GALNS: variants seen among roughly 807,000 people sequenced by gnomAD.
GALNS encodes the protein N-acetylgalactosamine-6-sulfatase.
A neutral mutation model predicts 65.9 loss-of-function variants in GALNS; 65 were observed. The ratio of observed to expected loss-of-function variants is 0.99; its 90% confidence interval spans 0.81 to 1.21. The LOEUF (loss-of-function observed/expected upper bound fraction) is 1.21, where lower values mean the gene tolerates loss of function less well. Ranked by LOEUF, GALNS falls within the 50% of genes most tolerant of loss-of-function variation. The probability of loss-of-function intolerance (pLI) is 0.00; values close to 1 mark genes in which losing one functional copy is unlikely to be tolerated. For synonymous variants in GALNS, 346 were observed against 288.9 expected, an observed-to-expected ratio of 1.20 and a Z score of -2.00; for missense variants, 776 against 700.7, an observed-to-expected ratio of 1.11 and a Z score of -1.21.
rs897826613 is a variant in GALNS at position 88,814,353 on chromosome 16, G to A, written c.*86C>T. The A allele has an allele frequency of 5.2e-6, 8 of 1,525,242 alleles. No homozygotes were observed. The highest frequency in any genetic ancestry group is 7.1e-6 in the Non-Finnish European group (8 of 1,126,212). The allele number at this position is 1,525,242 out of a possible 1,614,324, so 94.5% of individuals were successfully genotyped here. ...TCTGTCTGGCTTGGGCAGGGTTGGG[G>A]GAGGACCGAGGCCAGAGCCATCCTT... On this transcript the variant is annotated 3_prime_UTR_variant, in exon 14 of 14. Transcript: ENST00000268695.
rs1911009144 is a variant in GALNS at position 88,827,091 on chromosome 16, T to G, written c.1003-253A>C. On this transcript the variant is annotated intron_variant, in intron 9 of 13. Transcript: ENST00000268695. ...TGGCACCCTTCTCTGCCTCTGTGGA[T>G]CAGATGAAAGGAGAATCACAGCCCT... 4 of 585,182 alleles carry G rather than the reference T, an allele frequency of 6.8e-6. No individual in the cohort carries two copies. The South Asian group carries it at 7.9e-5, about 12-fold the overall frequency. The allele number at this position is 585,182 out of a possible 1,614,324, so 36.2% of individuals were successfully genotyped here.
Position 88,826,864 on chromosome 16 carries a change from C to G in GALNS, c.1003-26G>C, listed in dbSNP as rs757447780. On this transcript the variant is annotated intron_variant, in intron 9 of 13. Coordinates refer to ENST00000268695, the MANE Select transcript of GALNS (RefSeq NM_000512.5). ...CTGAAACACATGGCAGCAACACGGT[C>G]AGGGCACTCTGCACCGACCCGATGG... 2.5e-5 allele frequency: 39 copies of G among 1,559,318 alleles called. No individual in the cohort carries two copies. The South Asian group carries it at 4.5e-4, about 18-fold the overall frequency.
chr16:88,831,996 ACCTGGCCTGCAGTGACGTGC>A lies in GALNS; in HGVS notation c.984_1002+1del. The A allele has an allele frequency of 6.2e-7, 1 of 1,612,494 alleles. No homozygotes were observed. The highest frequency in any genetic ancestry group is 8.5e-7 in the Non-Finnish European group (1 of 1,179,208). ...CCGGCAGACCGGTGGACGCTGACTC[ACCTGGCCTGCAGTGACGTGC>A]CCTGGCCACCATGCGAGGGCAGGCT... On this transcript the variant is annotated splice_donor_variant and coding_sequence_variant, in exon 9 of 14. Transcript: ENST00000268695. LOFTEE classifies it high-confidence loss of function.
In GALNS at chr16:88,856,430, G is replaced by A. The variant is rs568965125; in HGVS notation, c.120+328C>T. 146 of 700,892 alleles carry A rather than the reference G, an allele frequency of 2.1e-4. 1 individual carries two copies. In the African/African-American group the frequency reaches 2.3e-3, roughly 11 times the overall value. 43.4% of individuals were successfully genotyped at this position (700,892 alleles called of 1,614,324 possible). ...AGGTCAGACGGGGGAGGCAGGGCCCGGTAGCACGCCGGCCACCCACCTGCC... is the reference window on the plus strand; with the variant it reads ...AGGTCAGACGGGGGAGGCAGGGCCCAGTAGCACGCCGGCCACCCACCTGCC... On this transcript the variant is annotated intron_variant, in intron 1 of 13. Transcript: ENST00000268695.
intron 9 of GALNS, among the ~76,000 whole-genome samples, chr16:88,829,260 C>T (rs1386218385): frequency 1.3e-5 from 2 of 152,154 alleles, no homozygotes; most frequent in Non-Finnish European, 2.9e-5. Flanking sequence ...CACAAGAAAC[C>T]AAATGGCCCA....
chr16:88,814,966 C>T, intron 13 of GALNS: 5 of 888,796 alleles, frequency 5.6e-6, no homozygotes, highest in Non-Finnish European at 6.7e-6. Context: ...CTTCTGACCT[C>T]AGGTGATCCA....
chr16:88,856,290 C>A (rs1010777783), intron 1 of GALNS: 1 of 702,860 alleles, frequency 1.4e-6, no homozygotes, highest in African/African-American at 1.7e-5. Context: ...CCCGAGGTGG[C>A]GGGAGTGATT....
At position 88,835,926 on chromosome 16, in the gene GALNS, C is replaced by T. The variant is rs1026704548; in HGVS notation, c.634-77G>A. On this transcript the variant is annotated intron_variant, in intron 6 of 13. Transcript: ENST00000268695. ...GCCTCCCACGGTCCCCGTCCCCACA[C>T]GTCCCACGGGGCGAGGTTGGTGCGG... The T allele has an allele frequency of 5.0e-6, 8 of 1,604,224 alleles. No individual in the cohort carries two copies. In the African/African-American group the frequency reaches 6.7e-5, roughly 13 times the overall value.
At chr16:88,843,143 C>T (rs1381340927) in intron 1 of GALNS, 4 of 1,424,368 alleles carry the variant, frequency 2.8e-6, no homozygotes, top group Non-Finnish European at 3.7e-6. Flanking sequence ...TCTGCCTCCT[C>T]CCAGCCTGAC....
At chr16:88,856,174 C>T (rs948914378) in intron 1 of GALNS, 5 of 702,868 alleles carry the variant, frequency 7.1e-6, no homozygotes, top group African/African-American at 1.7e-5. Flanking sequence ...ACATTCCAGC[C>T]TTTCAGTTCT....
At chr16:88,834,606 C>T (rs74035856) in intron 8 of GALNS, among the ~76,000 whole-genome samples, 1,650 of 128,932 alleles carry the variant, frequency 0.013, 39 homozygotes, top group East Asian at 0.042. Flanking sequence ...TAGGGCCCCC[C>T]CCGTGTGGTC....
chr16:88,855,590 T>C (rs1183575098), intron 1 of GALNS: 1 of 660,054 alleles, frequency 1.5e-6, no homozygotes, highest in East Asian at 2.7e-5. Flanking sequence ...CACCCCTGGG[T>C]GGGGAAATTA....
chr16:88,827,042 G>A, intron 9 of GALNS: 3 of 632,954 alleles, frequency 4.7e-6, no homozygotes, highest in South Asian at 3.8e-5. Flanking sequence ...AAAGACCCCA[G>A]AGCCAGGCCA....
rs1253515315 is a variant in GALNS at position 88,843,225 on chromosome 16, C to T, written c.121-396G>A. The stretch of plus-strand genomic sequence containing the variant: ...CTATTTTCAACATAAATACACAGGC[C>T]CTCGTATGTCTGTACACGTCTAGAT... On this transcript the variant is annotated intron_variant, in intron 1 of 13. Transcript: ENST00000268695. The T allele has an allele frequency of 3.8e-6, 5 of 1,306,758 alleles. 1 individual carries two copies. The South Asian group carries it at 6.2e-5, about 16-fold the overall frequency. 80.9% of individuals were successfully genotyped at this position (1,306,758 alleles called of 1,614,324 possible). A position where few individuals can be genotyped will look rare whatever the true frequency, so the allele number is the denominator to read the frequency against.
At chr16:88,814,927 T>C (rs1175469136) in intron 13 of GALNS, 2 of 573,546 alleles carry the variant, frequency 3.5e-6, no homozygotes, top group Non-Finnish European at 4.4e-6. Context: ...GAGACAAGGG[T>C]TCCCCAAGTT....
At chr16:88,816,177 G>A in intron 13 of GALNS, 1 of 985,440 alleles carries the variant, frequency 1.0e-6, no homozygotes, top group Non-Finnish European at 1.2e-6. Context: ...AGTTCCCCCA[G>A]TGCCCAGGAG....
intron 1 of GALNS, among the ~76,000 whole-genome samples, chr16:88,846,842 G>A (rs1006899567): frequency 2.6e-5 from 4 of 152,000 alleles, no homozygotes; most frequent in African/African-American, 4.8e-5. Flanking sequence ...GTGCCCGGCC[G>A]TGTTTCTGTT....
intron 8 of GALNS, among the ~76,000 whole-genome samples, chr16:88,834,922 C>T (rs1314831625): frequency 1.3e-5 from 2 of 152,222 alleles, no homozygotes; most frequent in Non-Finnish European, 2.9e-5. Context: ...GCCTCCAAAG[C>T]CTCCGGCCTC....
intron 9 of GALNS, among the ~76,000 whole-genome samples, chr16:88,830,883 G>A (rs73252813): frequency 0.086 from 13,028 of 151,750 alleles, 1,899 homozygotes; most frequent in African/African-American, 0.3. Context: ...TGCTTTGGGG[G>A]AAAAAACGAC....
Sources: allele counts gnomAD v4.1 joint callset (sites outside exome capture counted in the v4.1 genomes callset), GRCh38; gene constraint gnomAD v4.1.1; transcripts MANE v1.5; gene names NCBI Gene and HGNC (gene_info 2026-07-23, HGNC 2026-07-21).